SYT9: variants seen among roughly 807,000 people sequenced by gnomAD.
The protein encoded by SYT9 is synaptotagmin-9.
SYT9 carries 22 observed loss-of-function variants against 48.4 expected under a neutral mutation model. That is an observed-to-expected ratio of 0.45 (90% CI 0.32 to 0.65). SYT9 has a LOEUF of 0.65. Ranked by LOEUF, SYT9 falls within the 30% of genes least tolerant of loss-of-function variation. SYT9 has a pLI of 0.03. For missense variants in SYT9, 577 were observed against 622.0 expected (o/e 0.93, Z 0.77); for synonymous variants, 265 against 245.0 (o/e 1.08, Z -0.76).
intron 1 of SYT9, among the ~76,000 whole-genome samples, chr11:7,302,560 C>T (rs767201603): frequency 1.3e-5 from 2 of 152,010 alleles, no homozygotes; most frequent in Non-Finnish European, 2.9e-5. Flanking sequence ...AAAATAGAAC[C>T]AAAAAAGCAC....
intron 6 of SYT9, among the ~76,000 whole-genome samples, chr11:7,447,187 C>T (rs1847950707): frequency 1.3e-5 from 2 of 152,106 alleles, no homozygotes; most frequent in South Asian, 4.2e-4. Flanking sequence ...CCTTCCTGTA[C>T]CATAGTGAAT....
chr11:7,412,783 G>A (rs1847162380), intron 3 of SYT9, among the ~76,000 whole-genome samples: 1 of 152,208 alleles, frequency 6.6e-6, no homozygotes, highest in African/African-American at 2.4e-5. Context: ...TGAAATCCAA[G>A]TTGGTCTGAG....
intron 2 of SYT9, among the ~76,000 whole-genome samples, chr11:7,305,225 T>C (rs1849010365): frequency 6.6e-6 from 1 of 152,234 alleles, no homozygotes; most frequent in Admixed American, 6.5e-5. Flanking sequence ...TATTTTAGTT[T>C]TGAAGGCATG....
At chr11:7,447,277 G>T (rs1049070174) in intron 6 of SYT9, among the ~76,000 whole-genome samples, 1 of 152,082 alleles carries the variant, frequency 6.6e-6, no homozygotes, top group East Asian at 1.9e-4. Flanking sequence ...CTGGCTCTCC[G>T]TGGCTTCCTT....
At chr11:7,464,964 T>G (rs957997968) in intron 6 of SYT9, among the ~76,000 whole-genome samples, 2 of 150,942 alleles carry the variant, frequency 1.3e-5, no homozygotes, top group Non-Finnish European at 2.9e-5. Context: ...GGCGGGCGCC[T>G]GTAGTCCCAG....
chr11:7,343,614 C>T (rs1849750007), intron 3 of SYT9, among the ~76,000 whole-genome samples: 1 of 152,182 alleles, frequency 6.6e-6, no homozygotes, highest in Non-Finnish European at 1.5e-5. Context: ...CCCACATTTT[C>T]CTGTCTTCTT....
chr11:7,406,559 T>TATAC (rs1847018355), intron 3 of SYT9, among the ~76,000 whole-genome samples: 1 of 146,680 alleles, frequency 6.8e-6, no homozygotes, highest in African/African-American at 2.5e-5. Context: ...TATATATATA[T>TATAC]ATATATATAG....
chr11:7,392,792 G>A (rs1239006836), intron 3 of SYT9, among the ~76,000 whole-genome samples: 1 of 151,928 alleles, frequency 6.6e-6, no homozygotes, highest in Non-Finnish European at 1.5e-5. Context: ...GTTTTTTGTA[G>A]TTCTTCTTGC....
intron 1 of SYT9, among the ~76,000 whole-genome samples, chr11:7,274,214 C>G (rs959477430): frequency 6.6e-5 from 10 of 152,134 alleles, no homozygotes; most frequent in African/African-American, 2.4e-4. Flanking sequence ...CCAGTGGAGC[C>G]CCCTCATTAA....
intron 3 of SYT9, among the ~76,000 whole-genome samples, chr11:7,370,295 C>G (rs1282450972): frequency 6.6e-6 from 1 of 152,116 alleles, no homozygotes; most frequent in Non-Finnish European, 1.5e-5. Flanking sequence ...TCACTTCTAG[C>G]AGTATTTTCG....
chr11:7,299,006 T>C (rs1225853440), intron 1 of SYT9, among the ~76,000 whole-genome samples: 1 of 152,202 alleles, frequency 6.6e-6, no homozygotes, highest in Non-Finnish European at 1.5e-5. Context: ...GGCTATTACC[T>C]CAACTCTTGG....
chr11:7,246,594 A>G (rs1847795456), intron 1 of SYT9, among the ~76,000 whole-genome samples: 1 of 152,220 alleles, frequency 6.6e-6, no homozygotes, highest in Admixed American at 6.5e-5. Flanking sequence ...TTGGAGCCAC[A>G]AAGATGTGGA....
At chr11:7,263,509 T>G (rs561555127) in intron 1 of SYT9, among the ~76,000 whole-genome samples, 1 of 152,044 alleles carries the variant, frequency 6.6e-6, no homozygotes, top group African/African-American at 2.4e-5. Context: ...TGAATAAAAA[T>G]AGAAAAGAAG....
At chr11:7,262,602 C>T (rs1848100739) in intron 1 of SYT9, among the ~76,000 whole-genome samples, 1 of 151,936 alleles carries the variant, frequency 6.6e-6, no homozygotes, top group South Asian at 2.1e-4. Flanking sequence ...AGAGTGTTGA[C>T]CTGGAACCCA....
At chr11:7,421,128 T>C (rs948234982) in intron 6 of SYT9, among the ~76,000 whole-genome samples, 3 of 152,216 alleles carry the variant, frequency 2.0e-5, no homozygotes, top group African/African-American at 7.2e-5. Flanking sequence ...ACAAATGAAA[T>C]GAGAATTTAT....
intron 1 of SYT9, among the ~76,000 whole-genome samples, chr11:7,268,338 TTC>T: frequency 1.3e-5 from 2 of 151,964 alleles, no homozygotes; most frequent in Admixed American, 6.6e-5. Context: ...GGTTTAACAA[TTC>T]ATATACTGTA....
chr11:7,459,967 T>TC (rs1456501068), intron 6 of SYT9, among the ~76,000 whole-genome samples: 1 of 152,190 alleles, frequency 6.6e-6, no homozygotes, highest in Non-Finnish European at 1.5e-5. Context: ...AAAGTTCTGT[T>TC]ATTTTCAGCC....
intron 1 of SYT9, among the ~76,000 whole-genome samples, chr11:7,253,404 A>G (rs1415724777): frequency 6.6e-6 from 1 of 152,252 alleles, no homozygotes; most frequent in Non-Finnish European, 1.5e-5. Context: ...AAAACAATTT[A>G]TTATATAAAA....
chr11:7,380,841 T>C (rs564740307), intron 3 of SYT9, among the ~76,000 whole-genome samples: 2 of 152,306 alleles, frequency 1.3e-5, no homozygotes, highest in South Asian at 4.1e-4. Context: ...AGGTTGCATC[T>C]ACTTCAGATG....
Sources: gnomAD v4.1 joint callset for allele counts (sites outside exome capture counted in the v4.1 genomes callset) on GRCh38, gnomAD v4.1.1 for gene constraint, MANE v1.5 for transcripts, NCBI Gene and HGNC (gene_info 2026-07-23, HGNC 2026-07-21) for gene names.